ABTB2: variants seen among roughly 807,000 people sequenced by gnomAD.
ABTB2 encodes the protein ankyrin repeat and BTB domain containing 2, also known as ankyrin repeat and BTB/POZ domain-containing protein 2.
ABTB2 carries 56 observed loss-of-function variants against 104.1 expected under a neutral mutation model. That is an observed-to-expected ratio of 0.54 (90% CI 0.43 to 0.67). The LOEUF (loss-of-function observed/expected upper bound fraction) is 0.67. ABTB2 is among the 30% of genes least tolerant of loss of function. The probability of loss-of-function intolerance (pLI) is 0.00; values close to 1 mark genes in which losing one functional copy is unlikely to be tolerated. For synonymous variants in ABTB2, 606 were observed against 608.2 expected, an observed-to-expected ratio of 1.00 and a Z score of 0.05; for missense variants, 1,279 against 1,407.7, an observed-to-expected ratio of 0.91 and a Z score of 1.46.
chr11:34,292,425 G>A (rs1234280732), intron 1 of ABTB2, among the ~76,000 whole-genome samples: 1 of 152,156 alleles, frequency 6.6e-6, no homozygotes, highest in Non-Finnish European at 1.5e-5. Flanking sequence ...TGTGAAGATG[G>A]CAGCCTTCAC....
Position 34,290,198 on chromosome 11 carries a change from CAAGT to C in ABTB2, c.883+66499_883+66502del, listed in dbSNP as rs1417280426. ...AAGTACAGAAGAAACAGAACTACAGCAAGTGTCTTTCTAGATTACATTTGTATCA... is the reference window on the plus strand; with the variant it reads ...AAGTACAGAAGAAACAGAACTACAGCGTCTTTCTAGATTACATTTGTATCA... On this transcript the variant is annotated intron_variant, in intron 1 of 16. Coordinates refer to ENST00000435224, the MANE Select transcript of ABTB2 (RefSeq NM_145804.3). 2.0e-5 allele frequency among the ~76,000 whole-genome samples: 3 copies of C among 152,228 alleles called. No homozygotes were observed. In the South Asian group the frequency reaches 6.2e-4, roughly 31 times the overall value.
chr11:34,285,341 G>T (rs1006637818), intron 1 of ABTB2, among the ~76,000 whole-genome samples: 1 of 152,028 alleles, frequency 6.6e-6, no homozygotes, highest in Admixed American at 6.5e-5. Context: ...GGGTCCCTGG[G>T]GATTCATCAT....
chr11:34,155,117 C>T (rs936227012), intron 14 of ABTB2, among the ~76,000 whole-genome samples: 1 of 152,262 alleles, frequency 6.6e-6, no homozygotes, highest in Non-Finnish European at 1.5e-5. Flanking sequence ...TCAAGTCCTT[C>T]AGCTCCCCTG....
intron 16 of ABTB2, among the ~76,000 whole-genome samples, chr11:34,153,484 T>C (rs1197825664): frequency 6.6e-6 from 1 of 152,128 alleles, no homozygotes; most frequent in Non-Finnish European, 1.5e-5. Context: ...TCTTCCTGCC[T>C]CAGCCTCCTG....
chr11:34,290,312 C>T (rs2755154), intron 1 of ABTB2, among the ~76,000 whole-genome samples: 114,266 of 152,022 alleles, frequency 0.75, 43,042 homozygotes, highest in Middle Eastern at 0.79. Flanking sequence ...ATTGTGGCCA[C>T]GGAGCAGAGA....
intron 1 of ABTB2, among the ~76,000 whole-genome samples, chr11:34,214,366 T>C (rs1436419019): frequency 6.6e-6 from 1 of 152,050 alleles, no homozygotes; most frequent in Non-Finnish European, 1.5e-5. Context: ...GAACAATGAC[T>C]GTTTTGAGCA....
intron 1 of ABTB2, among the ~76,000 whole-genome samples, chr11:34,229,436 G>A (rs1451720189): frequency 8.1e-5 from 12 of 148,536 alleles, no homozygotes; most frequent in African/African-American, 2.2e-4. Context: ...AGCAGAGATC[G>A]CACCACTGCA....
intron 1 of ABTB2, among the ~76,000 whole-genome samples, chr11:34,293,358 G>A (rs1003280035): frequency 2.8e-4 from 43 of 152,254 alleles, no homozygotes; most frequent in African/African-American, 9.9e-4. Context: ...GCAGCGTCCT[G>A]GCTGGTAGTA....
chr11:34,311,500 C>G (rs564215305), intron 1 of ABTB2, among the ~76,000 whole-genome samples: 1 of 152,280 alleles, frequency 6.6e-6, no homozygotes, highest in South Asian at 2.1e-4. Flanking sequence ...CCCTCGGCCA[C>G]TCTCGGAACC....
At chr11:34,291,043 CAG>C (rs1854560928) in intron 1 of ABTB2, among the ~76,000 whole-genome samples, 1 of 152,236 alleles carries the variant, frequency 6.6e-6, no homozygotes, top group Admixed American at 6.5e-5. Context: ...CCAGTGGAAA[CAG>C]AGCAAGTGGC....
At position 34,274,556 on chromosome 11, in the gene ABTB2, A is replaced by AAT. The variant is rs138553790; in HGVS notation, c.884-69868_884-69867dup. Among the ~76,000 whole-genome samples the AAT allele has an allele frequency of 8.8e-4, 74 of 83,970 alleles. 1 individual carries two copies. The South Asian group carries it at 0.05, about 56-fold the overall frequency. 55.1% of individuals were successfully genotyped at this position (83,970 alleles called of 152,430 possible). On this transcript the variant is annotated intron_variant, in intron 1 of 16. Coordinates refer to ENST00000435224, the MANE Select transcript of ABTB2 (RefSeq NM_145804.3). ...ATCCCTGCGTTAAGTAGTGGATTGG[A>AAT]ATATACACACACACACACACACACG... is the stretch of plus-strand genomic sequence containing the variant.
chr11:34,323,554 T>C lies in ABTB2; in HGVS notation c.883+33147A>G, dbSNP rs1855030868. On this transcript the variant is annotated intron_variant, in intron 1 of 16. Transcript: ENST00000435224. The stretch of plus-strand genomic sequence containing the variant: ...ATCTTTGCACTATCGGCTCGTTCTC[T>C]GTTCAAATGTCACCCTGTCACAGGG... 2.0e-5 allele frequency among the ~76,000 whole-genome samples: 3 copies of C among 152,222 alleles called. No individual in the cohort carries two copies. In the South Asian group the frequency reaches 6.2e-4, roughly 32 times the overall value.
At chr11:34,268,512 G>C (rs1485365244) in intron 1 of ABTB2, among the ~76,000 whole-genome samples, 9 of 152,182 alleles carry the variant, frequency 5.9e-5, no homozygotes, top group African/African-American at 1.9e-4. Flanking sequence ...GCAGTCATTG[G>C]AACTTGCCGT....
At chr11:34,245,036 G>C (rs974752887) in intron 1 of ABTB2, among the ~76,000 whole-genome samples, 5 of 152,132 alleles carry the variant, frequency 3.3e-5, no homozygotes, top group Admixed American at 2.6e-4. Context: ...GAAAAAGATT[G>C]TTTTAAACAC....
chr11:34,180,519 A>T (rs1043117822), intron 3 of ABTB2, among the ~76,000 whole-genome samples: 3 of 152,224 alleles, frequency 2.0e-5, no homozygotes, highest in South Asian at 2.1e-4. Context: ...AGATGGACAA[A>T]GCCACTTAAA....
At chr11:34,321,784 C>G (rs1175262809) in intron 1 of ABTB2, among the ~76,000 whole-genome samples, 2 of 152,248 alleles carry the variant, frequency 1.3e-5, no homozygotes, top group Non-Finnish European at 2.9e-5. Flanking sequence ...AGACCCCAAA[C>G]CAAGGGAAAA....
chr11:34,275,408 T>A (rs1347554242), intron 1 of ABTB2, among the ~76,000 whole-genome samples: 1 of 152,102 alleles, frequency 6.6e-6, no homozygotes, highest in Non-Finnish European at 1.5e-5. Context: ...ACACTTGACT[T>A]TCTCCAGAGA....
chr11:34,327,125 G>A (rs891803057), intron 1 of ABTB2, among the ~76,000 whole-genome samples: 2 of 152,142 alleles, frequency 1.3e-5, no homozygotes, highest in Non-Finnish European at 2.9e-5. Context: ...TGGATTATGA[G>A]AACAGATAAA....
In ABTB2 at chr11:34,172,190, T is replaced by A. The variant is rs1852883434; in HGVS notation, c.1397+965A>T. Among the ~76,000 whole-genome samples the A allele has an allele frequency of 4.0e-5, 6 of 151,576 alleles. No individual in the cohort carries two copies. In the South Asian group the frequency reaches 1.3e-3, roughly 32 times the overall value. ...GAATTTGAGACCAGCCTGACCAACA[T>A]GATGAAACCCAGTCTCTACTAAAAA... On this transcript the variant is annotated intron_variant, in intron 4 of 16. Transcript: ENST00000435224.
Sources: allele counts gnomAD v4.1 joint callset (sites outside exome capture counted in the v4.1 genomes callset), GRCh38; gene constraint gnomAD v4.1.1; transcripts MANE v1.5; gene names NCBI Gene and HGNC (gene_info 2026-07-23, HGNC 2026-07-21).